Variants in DOCK2 observed in about 807,000 individuals in gnomAD.
The protein encoded by DOCK2 is dedicator of cytokinesis 2.
Under a neutral mutation model 248.9 loss-of-function variants are expected in DOCK2, and 87 were observed. The ratio of observed to expected loss-of-function variants is 0.35; its 90% CI spans 0.29 to 0.42. The LOEUF (loss-of-function observed/expected upper bound fraction) is 0.42, where lower values mean the gene tolerates loss of function less well. Ranked by LOEUF, DOCK2 falls within the 10% of genes least tolerant of loss-of-function variation. DOCK2 has a pLI of 1.00. For missense variants in DOCK2, 1,747 were observed against 2,300.2 expected (o/e 0.76, Z 4.92); for synonymous variants, 805 against 821.6 (o/e 0.98, Z 0.35).
At chr5:170,064,726 T>TA (rs1213343078) in intron 44 of DOCK2, among the ~76,000 whole-genome samples, 7 of 151,926 alleles carry the variant, frequency 4.6e-5, no homozygotes, top group African/African-American at 1.7e-4. Context: ...TTCCCAAATC[T>TA]AGAAAAGAAA....
chr5:169,693,595 C>T (rs751031199), intron 9 of DOCK2, among the ~76,000 whole-genome samples: 7 of 151,974 alleles, frequency 4.6e-5, no homozygotes, highest in Non-Finnish European at 8.8e-5. Context: ...ACCATCTGGA[C>T]GTGAAATAAT....
chr5:169,674,503 C>T, intron 6 of DOCK2, 58 bp downstream of exon 6: 1 of 1,598,498 alleles, frequency 6.3e-7, no homozygotes, highest in Non-Finnish European at 8.5e-7. Flanking sequence ...TCTTTCTTCC[C>T]TCTCTCCCCA....
In DOCK2 at chr5:169,684,181, C is replaced by G. The variant is rs763235059; in HGVS notation, c.607-15C>G. 2 of 1,613,324 alleles carry G rather than the reference C, an allele frequency of 1.2e-6. No individual in the cohort carries two copies. The highest frequency in any genetic ancestry group is 1.7e-6 in the Non-Finnish European group (2 of 1,179,450). ...ATTTTCTCCATCTTCTTTCCTTCTT[C>G]CTTCTGCCTTTCAGTCAAAAGACCA... On this transcript the variant is annotated splice_polypyrimidine_tract_variant and intron_variant, in intron 7 of 51. Coordinates refer to ENST00000520908, the MANE Select transcript of DOCK2 (RefSeq NM_004946.3).
chr5:169,692,940 A>G (rs1390932380), intron 9 of DOCK2, among the ~76,000 whole-genome samples: 1 of 151,790 alleles, frequency 6.6e-6, no homozygotes, highest in Non-Finnish European at 1.5e-5. Flanking sequence ...ACTTATTTAA[A>G]GACCCTGTTT....
intron 2 of DOCK2, among the ~76,000 whole-genome samples, chr5:169,665,007 C>T (rs1165441449): frequency 7.0e-6 from 1 of 143,212 alleles, no homozygotes; most frequent in East Asian, 2.0e-4. Context: ...TAAGTATCAG[C>T]ATATCTATAT....
At position 169,973,942 on chromosome 5, in the gene DOCK2, C is replaced by T. The variant is rs532749758; in HGVS notation, c.2800-9126C>T. Among the ~76,000 whole-genome samples, 4 of 152,278 alleles carry T rather than the reference C, an allele frequency of 2.6e-5. No homozygotes were observed. The South Asian group carries it at 8.3e-4, about 32-fold the overall frequency. On this transcript the variant is annotated intron_variant, in intron 27 of 51. Transcript: ENST00000520908. Reference sequence around the variant, plus strand: ...CCATTCCTCCTCTTCTATATAGGCACAAGAGATGTCAATGATGTTTCCTAA... The same window carrying T: ...CCATTCCTCCTCTTCTATATAGGCATAAGAGATGTCAATGATGTTTCCTAA...
At chr5:169,849,117 A>C (rs1419706138) in intron 27 of DOCK2, among the ~76,000 whole-genome samples, 1 of 152,198 alleles carries the variant, frequency 6.6e-6, no homozygotes, top group African/African-American at 2.4e-5. Flanking sequence ...AGGAGTGGTT[A>C]GTTGGCTCTT....
At chr5:169,804,584 CT>C in intron 26 of DOCK2, among the ~76,000 whole-genome samples, 2 of 152,128 alleles carry the variant, frequency 1.3e-5, no homozygotes, top group Middle Eastern at 6.8e-3. Context: ...ATGATCATAT[CT>C]CTATTTGTTG....
intron 25 of DOCK2, among the ~76,000 whole-genome samples, chr5:169,768,793 A>G (rs264830): frequency 0.15 from 22,239 of 152,218 alleles, 2,484 homozygotes; most frequent in African/African-American, 0.31. Context: ...TGGGGCTGTC[A>G]TCTCTCTTTG....
intron 44 of DOCK2, among the ~76,000 whole-genome samples, chr5:170,059,966 G>A (rs1366530374): frequency 6.6e-6 from 1 of 152,184 alleles, no homozygotes. Context: ...GAATTTCAGG[G>A]TGTCTCAGAT....
At chr5:170,069,277 G>T (rs1757600438) in intron 46 of DOCK2, 57 bp downstream of exon 46, 1 of 1,582,914 alleles carries the variant, frequency 6.3e-7, no homozygotes, top group Non-Finnish European at 8.6e-7. Flanking sequence ...CCCCACCGTG[G>T]TTCACTTGCC....
chr5:169,987,226 G>C (rs1444087267), intron 29 of DOCK2, among the ~76,000 whole-genome samples: 1 of 152,160 alleles, frequency 6.6e-6, no homozygotes, highest in Non-Finnish European at 1.5e-5. Flanking sequence ...GAATGAAAAG[G>C]CTTCTTTTCC....
chr5:170,032,220 G>T (rs777964560), intron 34 of DOCK2, among the ~76,000 whole-genome samples: 1 of 152,024 alleles, frequency 6.6e-6, no homozygotes, highest in East Asian at 1.9e-4. Context: ...TAGAGATGGG[G>T]TTTCACCGTG....
intron 2 of DOCK2, 102 bp downstream of exon 2, chr5:169,654,588 G>A: frequency 1.6e-6 from 2 of 1,220,296 alleles, no homozygotes; most frequent in Non-Finnish European, 2.3e-6. Flanking sequence ...CAACTGTGTG[G>A]TCTATTTAAA....
At chr5:169,670,499 T>C in intron 3 of DOCK2, 43 bp from the exon 4 acceptor site, 1 of 1,601,202 alleles carries the variant, frequency 6.2e-7, no homozygotes, top group Non-Finnish European at 8.5e-7. Flanking sequence ...TGGTGATATA[T>C]CTTTTTATTT....
At chr5:169,992,731 G>A (rs1028054346) in intron 29 of DOCK2, among the ~76,000 whole-genome samples, 44 of 152,038 alleles carry the variant, frequency 2.9e-4, no homozygotes, top group Non-Finnish European at 1.2e-4. Context: ...CCAAAGTGCT[G>A]GGATTATAGG....
At chr5:169,888,434 CT>C (rs1219073069) in intron 27 of DOCK2, among the ~76,000 whole-genome samples, 1 of 152,202 alleles carries the variant, frequency 6.6e-6, no homozygotes, top group African/African-American at 2.4e-5. Context: ...TGATTATTGA[CT>C]TTAGTGAACA....
rs535103141 is a variant in DOCK2, at chr5:169,701,362, C to T, written c.1259-941C>T. Among the ~76,000 whole-genome samples the T allele has an allele frequency of 1.7e-3, 254 of 152,354 alleles. 1 individual carries two copies. The highest frequency in any genetic ancestry group is 3.4e-3 in the Middle Eastern group (1 of 294). ...AACCTGTGTCTTGGACTTCCGTTCA[C>T]GATGGCTCTCACTGACTGGCTGTTT... On this transcript the variant is annotated intron_variant, in intron 13 of 51. Coordinates refer to ENST00000520908, the MANE Select transcript of DOCK2 (RefSeq NM_004946.3).
At chr5:170,012,717 C>T (rs1755347688) in intron 32 of DOCK2, among the ~76,000 whole-genome samples, 1 of 152,174 alleles carries the variant, frequency 6.6e-6, no homozygotes, top group Non-Finnish European at 1.5e-5. Context: ...TTACTTTTCC[C>T]AGTAGTATAG....
Sources: gnomAD v4.1 joint callset for allele counts (sites outside exome capture counted in the v4.1 genomes callset) on GRCh38, gnomAD v4.1.1 for gene constraint, MANE v1.5 for transcripts, NCBI Gene and HGNC (gene_info 2026-07-23, HGNC 2026-07-21) for gene names.